The following PTGER3 variants were observed in gnomAD, a reference collection of about 807,000 sequenced individuals.
PTGER3 encodes the protein prostaglandin E receptor 3.
In PTGER3, 22 loss-of-function variants were observed where a neutral mutation model predicts 34.7. The ratio of observed to expected loss-of-function variants is 0.63; its 90% CI spans 0.45 to 0.91. PTGER3 has a LOEUF of 0.91. Ranked by LOEUF, PTGER3 falls within the 40% of genes least tolerant of loss-of-function variation. The pLI is 0.00. For missense variants in PTGER3, 468 were observed against 519.4 expected (o/e 0.90, Z 0.96); for synonymous variants, 241 against 230.1 (o/e 1.05, Z -0.43).
rs758878596 is a variant in PTGER3 at position 70,971,238 on chromosome 1, T to G, written c.*492A>C. On this transcript the variant is annotated 3_prime_UTR_variant, in exon 4 of 4. Coordinates refer to ENST00000306666, the MANE Select transcript of PTGER3 (RefSeq NM_198719.2). ...TTTTTGTCACGATTCCCTCCTGCCC[T>G]CATTTGCTTTTATATGTCGTTAAGT... is the stretch of plus-strand genomic sequence containing the variant. The G allele has an allele frequency of 1.6e-5, 16 of 985,550 alleles. No homozygotes were observed. The highest frequency in any genetic ancestry group is 1.8e-5 in the Non-Finnish European group (15 of 830,006). The allele number at this position is 985,550 out of a possible 1,614,324, so 61.1% of individuals were successfully genotyped here. A position where few individuals can be genotyped will look rare whatever the true frequency, so the allele number is the denominator to read the frequency against.
chr1:70,953,860 C>T, intron 2 of PTGER3: 1 of 664,292 alleles, frequency 1.5e-6, no homozygotes, highest in South Asian at 2.4e-5. Context: ...GATGCTAAAC[C>T]ACAGATGATG....
At chr1:70,981,062 T>C (rs1308315895) in intron 2 of PTGER3, among the ~76,000 whole-genome samples, 1 of 151,976 alleles carries the variant, frequency 6.6e-6, no homozygotes, top group Admixed American at 6.6e-5. Context: ...ATATTGACAA[T>C]ACAGAGAAAG....
At chr1:70,869,422 C>G in intron 4 of PTGER3, 1 of 371,774 alleles carries the variant, frequency 2.7e-6, no homozygotes. Flanking sequence ...ACATCCTTCT[C>G]ATGCTGCGAA....
rs778780821 is a variant in PTGER3 at position 71,046,741 on chromosome 1, C to T, written c.837G>A (p.Glu279=). Residue 279 remains glutamate (E), a synonymous_variant, in exon 1 of 4, where the codon GAG becomes GAA. Coordinates refer to ENST00000306666, the MANE Select transcript of PTGER3 (RefSeq NM_198719.2). The part of the protein sequence containing the change: ...SSAQWGRITT[E]TAIQLMGIMC... ...TGATCCCCATAAGCTGAATGGCCGT[C>T]TCGGTCGTGATGCGGCCCCACTGGG... 2.0e-5 allele frequency: 32 copies of T among 1,611,342 alleles called. No individual in the cohort carries two copies. The highest frequency in any genetic ancestry group is 2.7e-5 in the Non-Finnish European group (32 of 1,178,702).
chr1:70,867,574 A>G (rs1646069622), intron 4 of PTGER3, among the ~76,000 whole-genome samples: 2 of 151,980 alleles, frequency 1.3e-5, no homozygotes, highest in African/African-American at 4.8e-5. Flanking sequence ...TACAAAAACA[A>G]ATTAGCCAGG....
intron 4 of PTGER3, among the ~76,000 whole-genome samples, chr1:70,887,281 C>G (rs1646518282): frequency 6.6e-6 from 1 of 152,140 alleles, no homozygotes; most frequent in Non-Finnish European, 1.5e-5. Context: ...TAAATACATT[C>G]CTTCCTGGCA....
At chr1:70,927,839 A>T (rs1233162700) in intron 4 of PTGER3, among the ~76,000 whole-genome samples, 1 of 152,104 alleles carries the variant, frequency 6.6e-6, no homozygotes, top group Non-Finnish European at 1.5e-5. Context: ...TAAAATAGAA[A>T]TTGTAACTGA....
At chr1:70,866,060 T>G (rs954934741) in intron 4 of PTGER3, among the ~76,000 whole-genome samples, 5 of 152,208 alleles carry the variant, frequency 3.3e-5, no homozygotes, top group African/African-American at 7.2e-5. Context: ...CTGCTACTTG[T>G]GTACAACTTG....
intron 1 of PTGER3, among the ~76,000 whole-genome samples, chr1:71,022,795 C>T (rs1658544729): frequency 6.6e-6 from 1 of 151,616 alleles, no homozygotes; most frequent in Non-Finnish European, 1.5e-5. Flanking sequence ...TTCCCACCTT[C>T]TTGCCACCAA....
At chr1:71,009,878 C>G (rs1657291081) in intron 2 of PTGER3, 1 of 985,244 alleles carries the variant, frequency 1.0e-6, no homozygotes, top group Non-Finnish European at 1.2e-6. Context: ...CCGCTCTAGT[C>G]TCTGTACATC....
At chr1:70,870,798 T>C (rs1646146877) in intron 4 of PTGER3, among the ~76,000 whole-genome samples, 1 of 152,234 alleles carries the variant, frequency 6.6e-6, no homozygotes, top group Non-Finnish European at 1.5e-5. Flanking sequence ...CAGGTCCCAA[T>C]AATTCCTCAT....
rs1450529126 is a variant in PTGER3, at chr1:70,971,027, C to T, written c.*703G>A. 84 of 985,184 alleles carry T rather than the reference C, an allele frequency of 8.5e-5. No individual in the cohort carries two copies. The highest frequency in any genetic ancestry group is 1.1e-4 in the East Asian group (1 of 8,814). The allele number at this position is 985,184 out of a possible 1,614,324, so 61.0% of individuals were successfully genotyped here. A position where few individuals can be genotyped will look rare whatever the true frequency, so the allele number is the denominator to read the frequency against. Reference sequence around the variant, plus strand: ...TCAACCTCAAATTTGTTTTTTATGACACTCCAAGGATGCCCTTAGCTGCAT... The same window carrying T: ...TCAACCTCAAATTTGTTTTTTATGATACTCCAAGGATGCCCTTAGCTGCAT... On this transcript the variant is annotated 3_prime_UTR_variant, in exon 4 of 4. Transcript: ENST00000306666.
chr1:70,961,079 G>A (rs190812909), intron 2 of PTGER3, among the ~76,000 whole-genome samples: 3 of 152,168 alleles, frequency 2.0e-5, no homozygotes, highest in Non-Finnish European at 4.4e-5. Flanking sequence ...GCTGATCTGG[G>A]GGCAATACTT....
rs891531286 is a variant in PTGER3 at position 71,046,599 on chromosome 1, G to A, written c.897+82C>T. Reference sequence around the variant, plus strand: ...TCTGCGGTTGCAAACACACCCCTGCGGGTGCTGCCACTTAGCAAAGTCTTA... The same window carrying A: ...TCTGCGGTTGCAAACACACCCCTGCAGGTGCTGCCACTTAGCAAAGTCTTA... On this transcript the variant is annotated intron_variant, in intron 1 of 3. Coordinates refer to ENST00000306666, the MANE Select transcript of PTGER3 (RefSeq NM_198719.2). The A allele has an allele frequency of 1.8e-4, 256 of 1,459,972 alleles. No homozygotes were observed. The highest frequency in any genetic ancestry group is 2.1e-4 in the Non-Finnish European group (237 of 1,106,146). 90.4% of individuals were successfully genotyped at this position (1,459,972 alleles called of 1,614,324 possible).
At chr1:70,963,485 C>T (rs981700164) in intron 2 of PTGER3, among the ~76,000 whole-genome samples, 17 of 152,172 alleles carry the variant, frequency 1.1e-4, no homozygotes, top group African/African-American at 3.9e-4. Context: ...CTCTGAAATC[C>T]AGGAAGAGGG....
intron 4 of PTGER3, among the ~76,000 whole-genome samples, chr1:70,941,274 T>C (rs1649737900): frequency 6.6e-6 from 1 of 152,190 alleles, no homozygotes; most frequent in Non-Finnish European, 1.5e-5. Flanking sequence ...TTTTTACCAT[T>C]GAATACTTAT....
chr1:71,047,742 C>G lies in PTGER3; in HGVS notation c.-165G>C. 3.0e-6 allele frequency: 2 copies of G among 677,004 alleles called. No individual in the cohort carries two copies. Among genetic ancestry groups the G allele is most frequent in the Non-Finnish European group, 4.1e-6 (2 of 483,986 alleles). 41.9% of individuals were successfully genotyped at this position (677,004 alleles called of 1,614,324 possible). On this transcript the variant is annotated 5_prime_UTR_variant, in exon 1 of 4. Coordinates refer to ENST00000306666, the MANE Select transcript of PTGER3 (RefSeq NM_198719.2). Reference sequence around the variant, plus strand: ...CCCTACTCCGCTGCTGGGACCGCGGCCGCGGCGGCGCCAGGGCTCACTGGC... The same window carrying G: ...CCCTACTCCGCTGCTGGGACCGCGGGCGCGGCGGCGCCAGGGCTCACTGGC...
At chr1:70,949,138 C>T (rs552479302), downstream of PTGER3, among the ~76,000 whole-genome samples, 2 of 152,012 alleles carry the variant, frequency 1.3e-5, no homozygotes, top group East Asian at 1.9e-4. Context: ...CACACATCTA[C>T]GGATAAATAT....
At chr1:71,024,130 A>AT (rs1453245079) in intron 1 of PTGER3, among the ~76,000 whole-genome samples, 1 of 152,078 alleles carries the variant, frequency 6.6e-6, no homozygotes, top group African/African-American at 2.4e-5. Flanking sequence ...AGTTCTCACC[A>AT]TTTTTTACCC....
Sources: allele counts gnomAD v4.1 joint callset (sites outside exome capture counted in the v4.1 genomes callset), GRCh38; gene constraint gnomAD v4.1.1; transcripts MANE v1.5; gene names NCBI Gene and HGNC (gene_info 2026-07-23, HGNC 2026-07-21).